Variants in LRRTM4 observed in about 807,000 individuals in gnomAD.
The protein encoded by LRRTM4 is leucine-rich repeat transmembrane neuronal protein 4.
LRRTM4 carries 25 observed loss-of-function variants against 47.6 expected under a neutral mutation model. That is an observed-to-expected ratio of 0.53 (90% confidence interval 0.38 to 0.73). The LOEUF (loss-of-function observed/expected upper bound fraction) is 0.73. LRRTM4 is among the 30% of genes least tolerant of loss of function. The pLI is 0.00. For missense variants in LRRTM4, 638 were observed against 713.4 expected (o/e 0.89, Z 1.20); for synonymous variants, 311 against 269.5 (o/e 1.15, Z -1.51).
intron 3 of LRRTM4, among the ~76,000 whole-genome samples, chr2:77,480,822 G>GAGAGA (rs1222517611): frequency 6.7e-4 from 50 of 74,518 alleles, no homozygotes; most frequent in South Asian, 2.3e-3. Flanking sequence ...GTGTGTGTGT[G>GAGAGA]GAGAGAGAGA....
intron 3 of LRRTM4, among the ~76,000 whole-genome samples, chr2:77,477,867 GAGAA>G (rs1349105715): frequency 3.5e-5 from 4 of 114,468 alleles, no homozygotes; most frequent in Non-Finnish European, 7.2e-5. Flanking sequence ...GAAAGAGAGA[GAGAA>G]AGAAAGAAAG....
intron 3 of LRRTM4, among the ~76,000 whole-genome samples, chr2:76,880,269 T>C (rs867949305): frequency 1.5e-4 from 23 of 152,182 alleles, no homozygotes; most frequent in African/African-American, 5.1e-4. Flanking sequence ...AACTTTATTA[T>C]CTATTTTTAA....
intron 3 of LRRTM4, among the ~76,000 whole-genome samples, chr2:77,035,291 C>A (rs975384023): frequency 2.0e-5 from 3 of 148,734 alleles, no homozygotes; most frequent in African/African-American, 7.4e-5. Context: ...AAACAAAAAA[C>A]CAGAAGAATC....
intron 3 of LRRTM4, among the ~76,000 whole-genome samples, chr2:76,775,858 T>G (rs1000120132): frequency 6.6e-6 from 1 of 152,158 alleles, no homozygotes; most frequent in African/African-American, 2.4e-5. Context: ...CTGCACCCAC[T>G]AACTCGTCAT....
At chr2:77,020,524 G>A (rs747211313) in intron 3 of LRRTM4, among the ~76,000 whole-genome samples, 5 of 151,996 alleles carry the variant, frequency 3.3e-5, no homozygotes, top group African/African-American at 7.3e-5. Flanking sequence ...TACCAAATTC[G>A]ACAGAATAAT....
intron 3 of LRRTM4, among the ~76,000 whole-genome samples, chr2:77,252,940 G>A (rs374858949): frequency 3.7e-4 from 57 of 152,122 alleles, no homozygotes; most frequent in African/African-American, 8.9e-4. Context: ...TCATATGGTC[G>A]TTGTGTTGTT....
At chr2:77,325,756 G>T (rs1052409838) in intron 3 of LRRTM4, among the ~76,000 whole-genome samples, 1 of 152,138 alleles carries the variant, frequency 6.6e-6, no homozygotes, top group African/African-American at 2.4e-5. Flanking sequence ...AAAGATGTGT[G>T]AAAGCTTTTT....
In LRRTM4 at chr2:77,519,641, G is replaced by C. The variant is rs773196040; in HGVS notation, c.228C>G (p.Leu76=). ...LSLRFNSIQK[L]KSNQFAGLNQ... ...TAAGGCCGGCAAACTGATTGGATTTGAGCTTCTGAATGCTGTTGAACCTTA... is the reference window on the plus strand; with the variant it reads ...TAAGGCCGGCAAACTGATTGGATTTCAGCTTCTGAATGCTGTTGAACCTTA... Residue 76 remains leucine (L), a synonymous_variant, in exon 3 of 4, where the codon CTC becomes CTG. Coordinates refer to ENST00000409884, the MANE Select transcript of LRRTM4 (RefSeq NM_001134745.3). This position sits in a 1 kb window ranked among gnomAD's most constrained non-coding sequence, Gnocchi z 4.6. The C allele has an allele frequency of 3.1e-6, 5 of 1,613,438 alleles. No homozygotes were observed. In the Admixed American group the frequency reaches 5.0e-5, roughly 16 times the overall value.
chr2:77,190,037 T>C (rs2103876289), intron 3 of LRRTM4, among the ~76,000 whole-genome samples: 1 of 152,258 alleles, frequency 6.6e-6, no homozygotes, highest in East Asian at 1.9e-4. Flanking sequence ...TCCTGTGTTT[T>C]AAGTGCTATT....
intron 3 of LRRTM4, among the ~76,000 whole-genome samples, chr2:76,796,242 G>C (rs1352496565): frequency 1.3e-5 from 1 of 74,136 alleles, no homozygotes; most frequent in Non-Finnish European, 2.3e-5. Flanking sequence ...GCTGGGGGAG[G>C]GGTGCCCGCC....
At chr2:76,756,817 G>A (rs956044629) in intron 3 of LRRTM4, among the ~76,000 whole-genome samples, 4 of 152,038 alleles carry the variant, frequency 2.6e-5, no homozygotes, top group African/African-American at 7.2e-5. Flanking sequence ...GAAAGAAGAC[G>A]AGGAAGGCAA....
intron 3 of LRRTM4, among the ~76,000 whole-genome samples, chr2:76,944,434 A>T (rs545766163): frequency 2.6e-5 from 4 of 152,168 alleles, no homozygotes; most frequent in Non-Finnish European, 5.9e-5. Flanking sequence ...GCTTTCCAGT[A>T]AAACATGTTG....
chr2:76,993,511 A>C lies in LRRTM4; in HGVS notation c.1552-244595T>G, dbSNP rs573325830. 2.6e-5 allele frequency among the ~76,000 whole-genome samples: 4 copies of C among 152,064 alleles called. No individual in the cohort carries two copies. In the East Asian group the frequency reaches 7.7e-4, roughly 29 times the overall value. On this transcript the variant is annotated intron_variant, in intron 3 of 3. Transcript: ENST00000409884. Reference sequence around the variant, plus strand: ...GCTTACAAACATATGAATAAATTCCAACATTACTAATAATCGGAGAAATGT... The same window carrying C: ...GCTTACAAACATATGAATAAATTCCCACATTACTAATAATCGGAGAAATGT...
chr2:77,444,942 CACACACAT>C (rs1374436942), intron 3 of LRRTM4, among the ~76,000 whole-genome samples: 52 of 118,322 alleles, frequency 4.4e-4, no homozygotes, highest in African/African-American at 1.3e-3. Context: ...TACACACACA[CACACACAT>C]ACACACACAC....
At chr2:77,298,821 C>T (rs1677044193) in intron 3 of LRRTM4, among the ~76,000 whole-genome samples, 1 of 152,108 alleles carries the variant, frequency 6.6e-6, no homozygotes, top group African/African-American at 2.4e-5. Flanking sequence ...AAAAGCAATG[C>T]TATTTTCTGC....
chr2:77,478,346 G>C (rs1281870884), intron 3 of LRRTM4, among the ~76,000 whole-genome samples: 2 of 152,096 alleles, frequency 1.3e-5, no homozygotes, highest in Admixed American at 1.3e-4. Context: ...TTAAGACGTA[G>C]CTCGGGTTTC....
At position 77,245,285 on chromosome 2, in the gene LRRTM4, G is replaced by C. The variant is rs374275312; in HGVS notation, c.1551+273033C>G. 7.9e-5 allele frequency among the ~76,000 whole-genome samples: 12 copies of C among 152,164 alleles called. No individual in the cohort carries two copies. In the East Asian group the frequency reaches 1.7e-3, roughly 22 times the overall value. On this transcript the variant is annotated intron_variant, in intron 3 of 3. Coordinates refer to ENST00000409884, the MANE Select transcript of LRRTM4 (RefSeq NM_001134745.3). ...TTCATGGCCAGGCCGGGTGCCTCAT[G>C]CCTGTAATCCTAGCACTTTGGGAAG...
intron 3 of LRRTM4, among the ~76,000 whole-genome samples, chr2:76,939,627 A>T (rs946385198): frequency 6.6e-6 from 1 of 152,072 alleles, no homozygotes; most frequent in African/African-American, 2.4e-5. Context: ...GTTATAAAAA[A>T]TATCCATGCT....
At chr2:76,813,587 T>TAA (rs201452049) in intron 3 of LRRTM4, among the ~76,000 whole-genome samples, 1 of 151,164 alleles carries the variant, frequency 6.6e-6, no homozygotes, top group Non-Finnish European at 1.5e-5. Context: ...ATGCGAACAG[T>TAA]AAAAAAAAAT....
Sources: gnomAD v4.1 joint callset for allele counts (sites outside exome capture counted in the v4.1 genomes callset) on GRCh38, gnomAD v4.1.1 for gene constraint, Gnocchi (gnomAD v3.1) non-coding constraint, MANE v1.5 for transcripts, NCBI Gene and HGNC (gene_info 2026-07-23, HGNC 2026-07-21) for gene names.